Variants in SLC8A3 observed in about 807,000 individuals in gnomAD.
SLC8A3 encodes solute carrier family 8 member A3, also known as sodium/calcium exchanger 3.
Under a neutral mutation model 65.4 loss-of-function variants are expected in SLC8A3, and 37 were observed. That is an observed-to-expected ratio of 0.57 (90% CI 0.44 to 0.74). The LOEUF (loss-of-function observed/expected upper bound fraction) is 0.74, where lower values mean the gene tolerates loss of function less well. Ranked by LOEUF, SLC8A3 falls within the 30% of genes least tolerant of loss-of-function variation. The pLI is 0.00. For synonymous variants in SLC8A3, 461 were observed against 444.5 expected (o/e 1.04, Z -0.47); for missense variants, 1,112 against 1,172.1 (o/e 0.95, Z 0.75).
intron 2 of SLC8A3, among the ~76,000 whole-genome samples, chr14:70,136,444 C>G (rs1161397416): frequency 6.6e-6 from 1 of 152,150 alleles, no homozygotes; most frequent in Non-Finnish European, 1.5e-5. Flanking sequence ...AGGCTCCTGT[C>G]CACCTCACTC....
chr14:70,108,143 C>T (rs2140131075), intron 2 of SLC8A3, among the ~76,000 whole-genome samples: 1 of 152,300 alleles, frequency 6.6e-6, no homozygotes, highest in South Asian at 2.1e-4. Context: ...TAAAAATTTA[C>T]AAACAACTGG....
chr14:70,146,416 T>C (rs977328779), intron 2 of SLC8A3, among the ~76,000 whole-genome samples: 3 of 152,082 alleles, frequency 2.0e-5, no homozygotes, highest in African/African-American at 7.2e-5. Flanking sequence ...ACTCATCCAA[T>C]GCCTAGAAGA....
Position 70,046,048 on chromosome 14 carries a change from G to A in SLC8A3, c.2665C>T (p.Arg889Cys), listed in dbSNP as rs894203394. ...CATGTTGTGGCGAGCTTGCAGCCAC[G>A]GGGGCCACCAAGCTCCCCTCCCAGG... Reference protein sequence around the residue: ...PHLGGELGGPRGCKLATTWLF... With the variant: ...PHLGGELGGPCGCKLATTWLF... The change falls in exon 7 of 7, where the codon CGT becomes TGT. Residue 889 changes from arginine to cysteine, a missense_variant. Coordinates refer to ENST00000356921, the MANE Select transcript of SLC8A3 (RefSeq NM_182932.3). This position sits in a 1 kb window ranked among gnomAD's most constrained non-coding sequence, Gnocchi z 4.2. The A allele has an allele frequency of 3.7e-6, 6 of 1,613,932 alleles. No individual in the cohort carries two copies. Among genetic ancestry groups the A allele is most frequent in the Middle Eastern group, 1.7e-4 (1 of 6,040 alleles).
intron 4 of SLC8A3, among the ~76,000 whole-genome samples, chr14:70,051,375 C>T (rs1015430451): frequency 8.5e-5 from 13 of 152,174 alleles, no homozygotes; most frequent in Admixed American, 8.5e-4. Context: ...TCATTGCAAC[C>T]TCAACCTCCT....
At chr14:70,055,215 G>A (rs929122236) in intron 3 of SLC8A3, among the ~76,000 whole-genome samples, 4 of 151,988 alleles carry the variant, frequency 2.6e-5, no homozygotes, top group African/African-American at 9.7e-5. Context: ...TCTTGTTCAC[G>A]GCACATAGGA....
intron 2 of SLC8A3, among the ~76,000 whole-genome samples, chr14:70,089,125 T>A (rs983456633): frequency 2.6e-5 from 4 of 152,144 alleles, no homozygotes; most frequent in Admixed American, 2.6e-4. Context: ...CCTCCAAACT[T>A]CTTAGCATGC....
intron 2 of SLC8A3, among the ~76,000 whole-genome samples, chr14:70,154,515 C>A (rs1217366498): frequency 5.3e-5 from 8 of 152,202 alleles, no homozygotes; most frequent in Non-Finnish European, 1.0e-4. Context: ...AGCCAACGCA[C>A]AAGTGAGAAT....
intron 2 of SLC8A3, among the ~76,000 whole-genome samples, chr14:70,143,406 G>T (rs1303613713): frequency 6.6e-6 from 1 of 152,148 alleles, no homozygotes; most frequent in Non-Finnish European, 1.5e-5. Context: ...CAGAGCCTTG[G>T]CACATTTGTT....
At chr14:70,142,243 C>A (rs1895626917) in intron 2 of SLC8A3, among the ~76,000 whole-genome samples, 1 of 152,260 alleles carries the variant, frequency 6.6e-6, no homozygotes, top group African/African-American at 2.4e-5. Context: ...CTGCCCTGAG[C>A]TCTCTTGGGA....
intron 2 of SLC8A3, among the ~76,000 whole-genome samples, chr14:70,078,121 A>G (rs974021428): frequency 2.0e-5 from 3 of 152,262 alleles, no homozygotes; most frequent in African/African-American, 7.2e-5. Context: ...TTCCAATGCC[A>G]TTCAGGGCAG....
At chr14:70,055,224 G>C (rs865891103) in intron 3 of SLC8A3, among the ~76,000 whole-genome samples, 1 of 152,022 alleles carries the variant, frequency 6.6e-6, no homozygotes, top group Non-Finnish European at 1.5e-5. Flanking sequence ...CGGCACATAG[G>C]ACTTTAAGGG....
intron 2 of SLC8A3, among the ~76,000 whole-genome samples, chr14:70,135,428 A>G (rs1003513071): frequency 6.6e-6 from 1 of 152,220 alleles, no homozygotes; most frequent in African/African-American, 2.4e-5. Context: ...TGTTGAAGAG[A>G]TATTTTCACT....
chr14:70,045,947 T>A lies in SLC8A3; in HGVS notation c.2766A>T (p.Ter922TyrextTer24), dbSNP rs1886711508. 6.3e-7 allele frequency: 1 copy of A among 1,587,188 alleles called. No individual in the cohort carries two copies. Among genetic ancestry groups the A allele is most frequent in the African/African-American group, 1.3e-5 (1 of 74,346 alleles). The change falls in exon 7 of 7, where the codon TAA becomes TAT. Residue 922 changes from the stop codon to tyrosine, a stop_lost. Coordinates refer to ENST00000356921, the MANE Select transcript of SLC8A3 (RefSeq NM_182932.3). Reference protein sequence around the residue: ...LEAYCYIKGF* With the variant: ...LEAYCYIKGFY ...CCTGCTGGAGGCTCTGTTGTGTGGC[T>A]TAGAACCCCTTGATGTAGCAATAGG...
At chr14:70,076,953 C>A (rs563755571) in intron 2 of SLC8A3, among the ~76,000 whole-genome samples, 1 of 152,248 alleles carries the variant, frequency 6.6e-6, no homozygotes, top group South Asian at 2.1e-4. Flanking sequence ...CTCTATGAGC[C>A]TCAGTTTCCT....
chr14:70,073,929 T>C (rs570452705), intron 2 of SLC8A3, among the ~76,000 whole-genome samples: 1 of 152,162 alleles, frequency 6.6e-6, no homozygotes, highest in East Asian at 1.9e-4. Flanking sequence ...TTTCTAGAGA[T>C]CCTTGTAAAT....
chr14:70,080,165 A>T, intron 2 of SLC8A3: 3 of 985,320 alleles, frequency 3.0e-6, no homozygotes, highest in Non-Finnish European at 3.6e-6. Context: ...TCTAGCTGTC[A>T]TTCCCTAGGT....
intron 1 of SLC8A3, among the ~76,000 whole-genome samples, chr14:70,183,792 G>A (rs886132214): frequency 3.3e-5 from 5 of 152,196 alleles, no homozygotes; most frequent in Non-Finnish European, 5.9e-5. Context: ...CATGGTCCAG[G>A]ACACATAGCC....
chr14:70,061,724 A>C lies in SLC8A3; in HGVS notation c.1785-785T>G, dbSNP rs925477533. Reference sequence around the variant, plus strand: ...ATTTACAGCTGATGCATTTCTGGGAAAATGTGAAGAAAATGATGTAAATCA... The same window carrying C: ...ATTTACAGCTGATGCATTTCTGGGACAATGTGAAGAAAATGATGTAAATCA... On this transcript the variant is annotated intron_variant, in intron 2 of 6. Transcript: ENST00000356921. Among the ~76,000 whole-genome samples the C allele has an allele frequency of 2.2e-4, 33 of 152,290 alleles. No homozygotes were observed. The Middle Eastern group carries it at 0.017, about 78-fold the overall frequency.
intron 2 of SLC8A3, among the ~76,000 whole-genome samples, chr14:70,142,697 G>A (rs1227314829): frequency 6.6e-6 from 1 of 152,198 alleles, no homozygotes; most frequent in Non-Finnish European, 1.5e-5. Context: ...TCCTCTCCAG[G>A]AGACCTAACT....
Sources: allele counts gnomAD v4.1 joint callset (sites outside exome capture counted in the v4.1 genomes callset), GRCh38; gene constraint gnomAD v4.1.1; non-coding constraint Gnocchi (gnomAD v3.1); transcripts MANE v1.5; gene names NCBI Gene and HGNC (gene_info 2026-07-23, HGNC 2026-07-21).